KTN1: variants seen among roughly 807,000 people sequenced by gnomAD.
KTN1 encodes the protein kinectin 1, also known as kinectin.
A neutral mutation model predicts 222.5 loss-of-function variants in KTN1; 130 were observed. The ratio of observed to expected loss-of-function variants is 0.58; its 90% CI spans 0.51 to 0.68. The LOEUF (loss-of-function observed/expected upper bound fraction) is 0.68. Among genes scored for constraint, KTN1 ranks in the 30% least tolerant of loss-of-function variants. KTN1 has a pLI of 0.00. For missense variants in KTN1, 1,508 were observed against 1,500.4 expected, an observed-to-expected ratio of 1.01 and a Z score of -0.08; for synonymous variants, 512 against 496.3, an observed-to-expected ratio of 1.03 and a Z score of -0.42.
At chr14:55,642,261 A>C (rs563877272) in intron 18 of KTN1, among the ~76,000 whole-genome samples, 185 of 152,312 alleles carry the variant, frequency 1.2e-3, no homozygotes, top group Middle Eastern at 6.8e-3. Flanking sequence ...TATGGTGCCT[A>C]GTCTAGTGCT....
rs781212607 is a variant in KTN1, at chr14:55,649,760, A to T, written c.2368-16A>T. 2 of 1,436,870 alleles carry T rather than the reference A, an allele frequency of 1.4e-6. No homozygotes were observed. Among genetic ancestry groups the T allele is most frequent in the South Asian group, 1.2e-5 (1 of 83,298 alleles). 89.0% of individuals were successfully genotyped at this position (1,436,870 alleles called of 1,614,324 possible). ...TTTTGAACAAATTACTAAGTAGGAT[A>T]CTTTCCTATTTCCAGGTTTCTTTTG... On this transcript the variant is annotated splice_polypyrimidine_tract_variant and intron_variant, in intron 21 of 43. Coordinates refer to ENST00000395314, the MANE Select transcript of KTN1 (RefSeq NM_001079521.2).
intron 1 of KTN1, among the ~76,000 whole-genome samples, chr14:55,589,722 G>A (rs1218912214): frequency 7.9e-5 from 11 of 138,952 alleles, no homozygotes; most frequent in Non-Finnish European, 4.5e-5. Context: ...GCAGTGGCAC[G>A]ATCTCTGCTC....
At chr14:55,581,616 A>G (rs1340238924) in intron 1 of KTN1, among the ~76,000 whole-genome samples, 1 of 152,206 alleles carries the variant, frequency 6.6e-6, no homozygotes, top group Admixed American at 6.5e-5. Context: ...TCTTCGGTGA[A>G]CTAAAGGTTC....
chr14:55,587,321 A>G (rs2033216972), intron 1 of KTN1, among the ~76,000 whole-genome samples: 1 of 152,210 alleles, frequency 6.6e-6, no homozygotes, highest in East Asian at 1.9e-4. Flanking sequence ...GGAGAGTGGA[A>G]TGGAAAACAA....
At chr14:55,656,718 C>T (rs1243382191) in intron 29 of KTN1, among the ~76,000 whole-genome samples, 1 of 152,056 alleles carries the variant, frequency 6.6e-6, no homozygotes, top group African/African-American at 2.4e-5. Context: ...CCTCCCACCT[C>T]GGCCTCCCAA....
Position 55,634,974 on chromosome 14 carries a change from A to G in KTN1, c.1461+316A>G, listed in dbSNP as rs534051199. Reference sequence around the variant, plus strand: ...GAACAGCATGGGGGAAACCATGCCTATGATTCAGTTACCTCCACGTGGTCT... The same window carrying G: ...GAACAGCATGGGGGAAACCATGCCTGTGATTCAGTTACCTCCACGTGGTCT... On this transcript the variant is annotated intron_variant, in intron 9 of 43. Coordinates refer to ENST00000395314, the MANE Select transcript of KTN1 (RefSeq NM_001079521.2). Among the ~76,000 whole-genome samples, 10 of 152,272 alleles carry G rather than the reference A, an allele frequency of 6.6e-5. No homozygotes were observed. In the East Asian group the frequency reaches 1.2e-3, roughly 18 times the overall value.
Position 55,612,571 on chromosome 14 carries a change from G to T in KTN1, c.523G>T (p.Asp175Tyr). The change falls in exon 2 of 44, where the codon GAT becomes TAT. Residue 175 changes from aspartate (D) to tyrosine (Y), a missense_variant and splice_region_variant. Coordinates refer to ENST00000395314, the MANE Select transcript of KTN1 (RefSeq NM_001079521.2). Reference protein sequence around the residue: ...PGQKKSKNGSDDQDKKVETLM... With the variant: ...PGQKKSKNGSYDQDKKVETLM... The stretch of plus-strand genomic sequence containing the variant: ...GCAGAAGAAGTCTAAAAATGGAAGC[G>T]GTATTGTAATCTATTTAATCTATTT... 1.3e-6 allele frequency: 2 copies of T among 1,572,356 alleles called. No individual in the cohort carries two copies. Among genetic ancestry groups the T allele is most frequent in the Non-Finnish European group, 1.7e-6 (2 of 1,167,074 alleles).
chr14:55,611,664 C>A (rs572713682), intron 1 of KTN1, among the ~76,000 whole-genome samples: 2 of 151,984 alleles, frequency 1.3e-5, no homozygotes, highest in Non-Finnish European at 2.9e-5. Flanking sequence ...GTTATCAACA[C>A]TGTACAATAA....
chr14:55,603,902 G>C (rs563590600), intron 1 of KTN1, among the ~76,000 whole-genome samples: 10 of 152,082 alleles, frequency 6.6e-5, no homozygotes, highest in African/African-American at 2.2e-4. Context: ...TTATTCTCTC[G>C]TACCCCACAT....
At chr14:55,668,957 G>A (rs188083260) in intron 34 of KTN1, among the ~76,000 whole-genome samples, 315 of 152,166 alleles carry the variant, frequency 2.1e-3, no homozygotes, top group Non-Finnish European at 3.6e-3. Flanking sequence ...CCACTTTTGA[G>A]TTGAACTGAT....
chr14:55,653,215 G>A (rs1458220052), intron 27 of KTN1, 130 bp downstream of exon 27: 2 of 695,946 alleles, frequency 2.9e-6, no homozygotes, highest in Non-Finnish European at 4.9e-6. Context: ...CCATAGTTTT[G>A]TTGTTGTTTA....
chr14:55,672,051 C>T (rs1318443940), intron 37 of KTN1, 174 bp downstream of exon 37: 1 of 544,728 alleles, frequency 1.8e-6, no homozygotes, highest in African/African-American at 1.9e-5. Context: ...AGTCTAATGC[C>T]CACCCAAGTT....
At chr14:55,659,120 G>A (rs1286974967) in intron 30 of KTN1, among the ~76,000 whole-genome samples, 1 of 152,096 alleles carries the variant, frequency 6.6e-6, no homozygotes, top group East Asian at 1.9e-4. Flanking sequence ...CATGTATATG[G>A]ATAGACTTGA....
chr14:55,627,820 T>G (rs1340302394), intron 5 of KTN1, 92 bp from the exon 6 acceptor site: 25 of 751,468 alleles, frequency 3.3e-5, no homozygotes, highest in Middle Eastern at 4.8e-4. Context: ...CTGCATAGTA[T>G]TCCATGGTGT....
At chr14:55,623,977 TTATC>T (rs2039479264) in intron 5 of KTN1, among the ~76,000 whole-genome samples, 2 of 152,200 alleles carry the variant, frequency 1.3e-5, no homozygotes, top group Admixed American at 6.5e-5. Flanking sequence ...AGACTACCCT[TTATC>T]TATTTTAGGC....
intron 18 of KTN1, chr14:55,644,560 C>CTT (rs34100965): frequency 1.2e-3 from 377 of 320,344 alleles, no homozygotes; most frequent in South Asian, 3.4e-3. Flanking sequence ...CAGAATAAGA[C>CTT]TTTTTTTTTT....
At chr14:55,646,187 A>G (rs1163698777) in intron 18 of KTN1, among the ~76,000 whole-genome samples, 1 of 152,164 alleles carries the variant, frequency 6.6e-6, no homozygotes, top group East Asian at 1.9e-4. Context: ...TCATGTTCTA[A>G]TGCTTTATAA....
At chr14:55,662,966 C>T (rs1378608189) in intron 32 of KTN1, 2 of 455,880 alleles carry the variant, frequency 4.4e-6, no homozygotes, top group Non-Finnish European at 8.8e-6. Context: ...GTGAAAAGAG[C>T]CAGGACACTG....
In KTN1 at chr14:55,646,460, T is replaced by TTTCCTTTCC. The variant is rs1595073348; in HGVS notation, c.2173-511_2173-510insCCTTTCCTT. ...CCTTTCCTTTTCCTTTTCCTTTTCCTTTTCCTTTCCTTTCCTTTCCTTTCC... is the reference window on the plus strand; with the variant it reads ...CCTTTCCTTTTCCTTTTCCTTTTCCTTTCCTTTCCTTTCCTTTCCTTTCCTTTCCTTTCC... On this transcript the variant is annotated intron_variant, in intron 18 of 43. Transcript: ENST00000395314. 2.8e-3 allele frequency among the ~76,000 whole-genome samples: 135 copies of TTTCCTTTCC among 48,964 alleles called. 6 individuals carry two copies. The highest frequency in any genetic ancestry group is 0.015 in the East Asian group (27 of 1,754). The allele number at this position is 48,964 out of a possible 152,430, so 32.1% of individuals were successfully genotyped here.
Sources: allele counts gnomAD v4.1 joint callset (sites outside exome capture counted in the v4.1 genomes callset), GRCh38; gene constraint gnomAD v4.1.1; transcripts MANE v1.5; gene names NCBI Gene and HGNC (gene_info 2026-07-23, HGNC 2026-07-21).